The following VPS51 variants were observed in gnomAD, a reference collection of about 807,000 sequenced individuals.
VPS51 encodes VPS51 subunit of GARP complex, also known as vacuolar protein sorting-associated protein 51 homolog.
In VPS51, 55 loss-of-function variants were observed where a neutral mutation model predicts 65.1. That is an observed-to-expected ratio of 0.84 (90% confidence interval 0.68 to 1.06). VPS51 has a LOEUF of 1.06. Among genes scored for constraint, VPS51 ranks in the 50% least tolerant of loss-of-function variants. VPS51 has a pLI of 0.00. For missense variants in VPS51, 943 were observed against 1,101.6 expected (o/e 0.86, Z 2.04); for synonymous variants, 473 against 489.5 (o/e 0.97, Z 0.44).
At position 65,109,304 on chromosome 11, in the gene VPS51, C is replaced by T. The variant is rs1203009966; in HGVS notation, c.1468C>T (p.Arg490Cys). Residue 490 changes from arginine to cysteine, a missense_variant, in exon 6 of 10, where the codon CGT becomes TGT. Physicochemically the swap from Arg to Cys is radical, Grantham distance 180 (BLOSUM62 -3). This residue lies in a region of VPS51 where 855 missense variants were observed against 953.7 expected (regional missense o/e 0.90). Coordinates refer to ENST00000279281, the MANE Select transcript of VPS51 (RefSeq NM_013265.4). ...GGGTGAGTTCTGCAGTCAGGGTGTCCGTGAGGGCCTCATCGTGGGCTTCGT... is the reference window on the plus strand; with the variant it reads ...GGGTGAGTTCTGCAGTCAGGGTGTCTGTGAGGGCCTCATCGTGGGCTTCGT... The part of the protein sequence containing the change: ...FRGEFCSQGV[R>C]EGLIVGFVHS... 7.4e-6 allele frequency: 12 copies of T among 1,612,670 alleles called. No individual in the cohort carries two copies. The highest frequency in any genetic ancestry group is 2.2e-5 in the East Asian group (1 of 44,874).
rs757167649 is a variant in VPS51 at position 65,107,566 on chromosome 11, C to T, written c.359-15C>T. ...GTCACCTGCTCTCCCCTTTTCCCCG[C>T]CCCTGCCCTCCTAGACACCATCCGG... On this transcript the variant is annotated splice_polypyrimidine_tract_variant and intron_variant, in intron 2 of 9. Transcript: ENST00000279281. The surrounding 1 kb of genome is among the most constrained non-coding windows in gnomAD (Gnocchi z 4.0). 3 of 1,569,630 alleles carry T rather than the reference C, an allele frequency of 1.9e-6. No homozygotes were observed. In the South Asian group the frequency reaches 3.5e-5, roughly 18 times the overall value.
At chr11:65,104,654 GTTTA>G in intron 2 of VPS51, among the ~76,000 whole-genome samples, 1 of 152,192 alleles carries the variant, frequency 6.6e-6, no homozygotes. Context: ...ATCTCCATTT[GTTTA>G]TTTAATTCAT....
At chr11:65,105,988 G>T (rs898234370) in intron 2 of VPS51, among the ~76,000 whole-genome samples, 1 of 152,240 alleles carries the variant, frequency 6.6e-6, no homozygotes, top group East Asian at 1.9e-4. Context: ...CTGAGATCGC[G>T]CCACTGCACT....
Position 65,109,929 on chromosome 11 carries a change from G to A in VPS51, c.1878+6G>A. The A allele has an allele frequency of 1.9e-6, 3 of 1,585,468 alleles. No individual in the cohort carries two copies. The highest frequency in any genetic ancestry group is 2.6e-6 in the Non-Finnish European group (3 of 1,170,048). On this transcript the variant is annotated splice_donor_region_variant and intron_variant, in intron 7 of 9. Transcript: ENST00000279281. ...CCACCGCCATCGACGTGCAGGTGCT[G>A]CCCAGGCTGGCCGGGGTAGCCCTGA...
Position 65,111,376 on chromosome 11 carries a change from A to T in VPS51, c.2138A>T (p.Glu713Val). ...IIKISLKTLL[E>V]CVRLRTFGRF... ...AAGATCAGCCTGAAGACGCTGCTGG[A>T]GTGTGTGCGGCTGCGCACCTTTGGG... The change falls in exon 10 of 10, where the codon GAG becomes GTG. Residue 713 changes from glutamate to valine, a missense_variant. Glu to Val is a moderately radical substitution (Grantham distance 121). Transcript: ENST00000279281. 6.2e-7 allele frequency: 1 copy of T among 1,611,500 alleles called. No homozygotes were observed. The highest frequency in any genetic ancestry group is 2.2e-5 in the East Asian group (1 of 44,888).
rs1947766201 is a variant in VPS51 at position 65,096,229 on chromosome 11, C to T, written c.-22C>T. On this transcript the variant is annotated 5_prime_UTR_variant, in exon 1 of 10. Coordinates refer to ENST00000279281, the MANE Select transcript of VPS51 (RefSeq NM_013265.4). ...CGTCCCCTTCCTTTCCAGCCTCACG[C>T]CCGTGGGCTGCAGTTGGAACGATGG... is the stretch of plus-strand genomic sequence containing the variant. 7 of 1,525,950 alleles carry T rather than the reference C, an allele frequency of 4.6e-6. No individual in the cohort carries two copies. In the South Asian group the frequency reaches 6.0e-5, roughly 13 times the overall value. 94.5% of individuals were successfully genotyped at this position (1,525,950 alleles called of 1,614,324 possible). A position where few individuals can be genotyped will look rare whatever the true frequency, so the allele number is the denominator to read the frequency against.
intron 2 of VPS51, among the ~76,000 whole-genome samples, chr11:65,101,788 A>AAG (rs1947810388): frequency 6.7e-6 from 1 of 148,152 alleles, no homozygotes; most frequent in African/African-American, 2.6e-5. Context: ...AAAAAAAAAA[A>AAG]AAAGAAAATT....
At chr11:65,099,654 G>A (rs368489419) in intron 2 of VPS51, among the ~76,000 whole-genome samples, 6 of 152,054 alleles carry the variant, frequency 3.9e-5, no homozygotes, top group African/African-American at 1.2e-4. Flanking sequence ...GCTGGGTATG[G>A]TGGCACACAC....
intron 2 of VPS51, among the ~76,000 whole-genome samples, chr11:65,106,610 G>T (rs1456932997): frequency 1.3e-5 from 2 of 152,120 alleles, no homozygotes; most frequent in Non-Finnish European, 2.9e-5. Flanking sequence ...AATTAGCTGG[G>T]TGTGGTGGCA....
chr11:65,106,489 T>C (rs371694389), intron 2 of VPS51, among the ~76,000 whole-genome samples: 12 of 152,168 alleles, frequency 7.9e-5, no homozygotes, highest in South Asian at 6.2e-4. Context: ...CGGTGGCTCA[T>C]GCCTGTAATC....
Position 65,108,728 on chromosome 11 carries a change from G to C in VPS51, c.1257G>C (p.Leu419=), listed in dbSNP as rs368202102. The C allele has an allele frequency of 4.7e-5, 75 of 1,609,904 alleles. No individual in the cohort carries two copies. Among genetic ancestry groups the C allele is most frequent in the Non-Finnish European group, 6.0e-5 (71 of 1,179,464 alleles). The change falls in exon 5 of 10, where the codon CTG becomes CTC. Residue 419 remains leucine (L), a synonymous_variant. Coordinates refer to ENST00000279281, the MANE Select transcript of VPS51 (RefSeq NM_013265.4). ...TGCAGGGTCTCCGGGCGGCCTTCCT[G>C]GGCTGCCTGACAGACGTCCGCCAGG... The part of the protein sequence containing the change: ...HHLQGLRAAF[L]GCLTDVRQAL...
chr11:65,097,402 C>T (rs185201456), intron 2 of VPS51, among the ~76,000 whole-genome samples: 10 of 152,276 alleles, frequency 6.6e-5, no homozygotes, highest in Non-Finnish European at 1.5e-4. Flanking sequence ...GTTCTGTCTC[C>T]CAGGCTGGAG....
At chr11:65,111,137 C>T in intron 9 of VPS51, 190 bp from the exon 10 acceptor site, 1 of 884,492 alleles carries the variant, frequency 1.1e-6, no homozygotes, top group South Asian at 1.4e-5. Context: ...GATTGCTGGG[C>T]CCTACCTGTC....
chr11:65,107,619 G>A lies in VPS51; in HGVS notation c.397G>A (p.Glu133Lys). 6.2e-7 allele frequency: 1 copy of A among 1,601,196 alleles called. No individual in the cohort carries two copies. The highest frequency in any genetic ancestry group is 1.3e-5 in the African/African-American group (1 of 74,828). Residue 133 changes from glutamate to lysine, a missense_variant, in exon 3 of 10, where the codon GAG (glutamate) becomes AAG (lysine). Transcript: ENST00000279281. This position sits in a 1 kb window ranked among gnomAD's most constrained non-coding sequence, Gnocchi z 4.0. ...RKMKNDFRKMEDEMDRLATNM... is the reference protein window; with the variant it reads ...RKMKNDFRKMKDEMDRLATNM... ...GATGAAGAACGATTTCCGGAAGATGGAGGATGAGATGGACCGGCTGGCCAC... is the reference window on the plus strand; with the variant it reads ...GATGAAGAACGATTTCCGGAAGATGAAGGATGAGATGGACCGGCTGGCCAC...
intron 4 of VPS51, 45 bp from the exon 5 acceptor site, chr11:65,108,152 A>G (rs763652302): frequency 6.3e-7 from 1 of 1,579,630 alleles, no homozygotes; most frequent in South Asian, 1.1e-5. Flanking sequence ...TGCCCCATCC[A>G]CCGGCAGCCC....
Position 65,111,545 on chromosome 11 carries a change from C to A in VPS51, c.2307C>A (p.Pro769=), listed in dbSNP as rs754578581. 1.2e-6 allele frequency: 2 copies of A among 1,611,978 alleles called. No homozygotes were observed. Among genetic ancestry groups the A allele is most frequent in the Non-Finnish European group, 1.7e-6 (2 of 1,179,984 alleles). Residue 769 remains proline (P), a synonymous_variant, in exon 10 of 10, where the codon CCC becomes CCA. Transcript: ENST00000279281. ...SAALRCPDPV[P]MEPSVVEVIC... ...CCCTGCGCTGCCCAGACCCTGTGCC[C>A]ATGGAGCCCAGTGTGGTTGAGGTCA...
chr11:65,101,783 A>G (rs1489622059), intron 2 of VPS51, among the ~76,000 whole-genome samples: 1 of 148,512 alleles, frequency 6.7e-6, no homozygotes, highest in East Asian at 1.9e-4. Context: ...AAAAAAAAAA[A>G]AAAAAAAAGA....
intron 2 of VPS51, among the ~76,000 whole-genome samples, chr11:65,099,873 C>T (rs1437487354): frequency 3.3e-5 from 5 of 152,218 alleles, no homozygotes; most frequent in African/African-American, 7.2e-5. Flanking sequence ...GAGGCCGAGA[C>T]GGGTGGATCA....
Position 65,111,611 on chromosome 11 carries a change from T to C in VPS51, c.*24T>C, listed in dbSNP as rs750161388. The C allele has an allele frequency of 6.3e-7, 1 of 1,590,042 alleles. No homozygotes were observed. The highest frequency in any genetic ancestry group is 1.1e-5 in the South Asian group (1 of 89,724). ...AGGCGCAGCCGCTGCCATGCACCGGTCTGTCCCTGCACCCCATGGCACCCA... is the reference window on the plus strand; with the variant it reads ...AGGCGCAGCCGCTGCCATGCACCGGCCTGTCCCTGCACCCCATGGCACCCA... On this transcript the variant is annotated 3_prime_UTR_variant, in exon 10 of 10. Coordinates refer to ENST00000279281, the MANE Select transcript of VPS51 (RefSeq NM_013265.4).
Sources: gnomAD v4.1 joint callset for allele counts (sites outside exome capture counted in the v4.1 genomes callset) on GRCh38, gnomAD v4.1.1 for gene constraint, gnomAD v4.1.1 regional missense constraint, Gnocchi (gnomAD v3.1) non-coding constraint, MANE v1.5 for transcripts, NCBI Gene and HGNC (gene_info 2026-07-23, HGNC 2026-07-21) for gene names.